The following EIF4EBP1 variants were observed in gnomAD, a reference collection of about 807,000 sequenced individuals.
The protein encoded by EIF4EBP1 is eukaryotic translation initiation factor 4E binding protein 1, also known as eukaryotic translation initiation factor 4E-binding protein 1.
In EIF4EBP1, 5 loss-of-function variants were observed where a neutral mutation model predicts 9.2. The observed-to-expected ratio is 0.54, with a 90% CI of 0.28 to 1.14. The LOEUF (loss-of-function observed/expected upper bound fraction) is 1.14, where lower values mean the gene tolerates loss of function less well. EIF4EBP1 is among the 50% of genes most tolerant of loss of function. The pLI, the probability that EIF4EBP1 is intolerant of heterozygous loss-of-function variation, is 0.09. For missense variants in EIF4EBP1, 139 were observed against 169.6 expected (o/e 0.82, Z 1.00); for synonymous variants, 62 against 67.0 (o/e 0.93, Z 0.36).
intron 1 of EIF4EBP1, 25 bp from the exon 2 acceptor site, chr8:38,057,056 G>A (rs1438010182): frequency 1.3e-6 from 2 of 1,573,876 alleles, no homozygotes; most frequent in Non-Finnish European, 1.7e-6. Context: ...CAGATGGCTT[G>A]ACCAACCTCC....
chr8:38,047,525 C>G (rs1163094794), intron 1 of EIF4EBP1: 1 of 150,326 alleles, frequency 6.7e-6, no homozygotes, highest in Non-Finnish European at 1.5e-5. Flanking sequence ...CACTCTCTTG[C>G]CCAGGGTGGA....
intron 1 of EIF4EBP1, chr8:38,047,507 CAG>C (rs1270460322): frequency 8.8e-5 from 13 of 147,588 alleles, no homozygotes; most frequent in African/African-American, 3.3e-4. Flanking sequence ...TTTTTTGAGA[CAG>C]AGTCTCACTC....
chr8:38,056,133 A>AGGCAC (rs1432194479), intron 1 of EIF4EBP1, among the ~76,000 whole-genome samples: 4 of 151,960 alleles, frequency 2.6e-5, no homozygotes, highest in African/African-American at 9.7e-5. Flanking sequence ...CTGGGACTAC[A>AGGCAC]GGCACGTACC....
Position 38,030,674 on chromosome 8 carries a change from A to G in EIF4EBP1, c.101A>G (p.Tyr34Cys). Residue 34 changes from tyrosine to cysteine, a missense_variant, in exon 1 of 3, where the codon TAC (tyrosine) becomes TGC (cysteine). Transcript: ENST00000338825. Reference sequence around the variant, plus strand: ...GGCGTGCAGCTCCCGCCCGGGGACTACAGCACGACCCCCGGCGGCACGCTC... The same window carrying G: ...GGCGTGCAGCTCCCGCCCGGGGACTGCAGCACGACCCCCGGCGGCACGCTC... ...GDGVQLPPGD[Y>C]STTPGGTLFS... The G allele has an allele frequency of 1.3e-6, 2 of 1,492,028 alleles. No homozygotes were observed. Among genetic ancestry groups the G allele is most frequent in the Non-Finnish European group, 8.9e-7 (1 of 1,126,738 alleles). The allele number at this position is 1,492,028 out of a possible 1,614,324, so 92.4% of individuals were successfully genotyped here.
intron 2 of EIF4EBP1, among the ~76,000 whole-genome samples, chr8:38,059,549 C>T (rs982950061): frequency 9.2e-5 from 14 of 152,024 alleles, no homozygotes; most frequent in South Asian, 2.1e-4. Context: ...ATCAGGAGTT[C>T]GAGACCAGCC....
chr8:38,049,422 T>C (rs1382342158), intron 1 of EIF4EBP1, among the ~76,000 whole-genome samples: 1 of 151,902 alleles, frequency 6.6e-6, no homozygotes, highest in Non-Finnish European at 1.5e-5. Context: ...CACTACTTAC[T>C]GAAAGGGGAG....
chr8:38,055,633 A>G (rs998199811), intron 1 of EIF4EBP1, among the ~76,000 whole-genome samples: 4 of 151,728 alleles, frequency 2.6e-5, no homozygotes, highest in African/African-American at 9.7e-5. Context: ...TTGTATATTA[A>G]AAGGAATTGC....
At chr8:38,041,673 G>A (rs551536089) in intron 1 of EIF4EBP1, among the ~76,000 whole-genome samples, 1 of 152,136 alleles carries the variant, frequency 6.6e-6, no homozygotes, top group African/African-American at 2.4e-5. Flanking sequence ...CTGTTCTCAC[G>A]GCCTTATGTT....
At position 38,034,042 on chromosome 8, in the gene EIF4EBP1, G is replaced by A. The variant is rs186783075; in HGVS notation, c.145+3324G>A. On this transcript the variant is annotated intron_variant, in intron 1 of 2. Coordinates refer to ENST00000338825, the MANE Select transcript of EIF4EBP1 (RefSeq NM_004095.4). Reference sequence around the variant, plus strand: ...ATTACAGGCGTGAGCCACTGCACCCGGCCCTTTTTTTGTTTTTTTCCTGAG... The same window carrying A: ...ATTACAGGCGTGAGCCACTGCACCCAGCCCTTTTTTTGTTTTTTTCCTGAG... Among the ~76,000 whole-genome samples, 1,022 of 151,990 alleles carry A rather than the reference G, an allele frequency of 6.7e-3. 7 individuals are homozygous for A. Among genetic ancestry groups the A allele is most frequent in the African/African-American group, 0.02 (838 of 41,486 alleles).
chr8:38,051,994 G>C (rs1361026259), intron 1 of EIF4EBP1, among the ~76,000 whole-genome samples: 1 of 152,140 alleles, frequency 6.6e-6, no homozygotes, highest in Non-Finnish European at 1.5e-5. Flanking sequence ...CCAAACTGTT[G>C]GGATTTACAG....
In EIF4EBP1 at chr8:38,057,260, G is replaced by T; in HGVS notation, c.325G>T (p.Gly109Cys). 1 of 1,469,638 alleles carries T rather than the reference G, an allele frequency of 6.8e-7. No individual in the cohort carries two copies. Among genetic ancestry groups the T allele is most frequent in the Non-Finnish European group, 9.0e-7 (1 of 1,105,286 alleles). 91.0% of individuals were successfully genotyped at this position (1,469,638 alleles called of 1,614,324 possible). A position where few individuals can be genotyped will look rare whatever the true frequency, so the allele number is the denominator to read the frequency against. Residue 109 changes from glycine to cysteine, a missense_variant and splice_region_variant, in exon 2 of 3, where the codon GGT becomes TGT. Gly to Cys is a radical substitution (Grantham distance 159). Transcript: ENST00000338825. ...RNSPEDKRAG[G>C]EESQFEMDI ...TAGCCCAGAAGATAAGCGGGCGGGC[G>T]GTGAGTGTCGGGGCTTGGCCAGGCT...
At chr8:38,036,476 AAGAG>A (rs1280465587) in intron 1 of EIF4EBP1, among the ~76,000 whole-genome samples, 4 of 152,154 alleles carry the variant, frequency 2.6e-5, no homozygotes, top group African/African-American at 7.2e-5. Flanking sequence ...TCAAAGAAAA[AAGAG>A]AGAGAGTTTG....
chr8:38,057,086 A>G lies in EIF4EBP1; in HGVS notation c.151A>G (p.Arg51Gly), dbSNP rs1809606003. ...ACCTCCCTGTTCCCTTCTAGGTACC[A>G]GGATCATCTATGACCGGAAATTCCT... ...TLFSTTPGGT[R>G]IIYDRKFLME... The change falls in exon 2 of 3, where the codon AGG becomes GGG. Residue 51 changes from arginine (R) to glycine (G), a missense_variant. Arg to Gly is a moderately radical substitution (Grantham distance 125). Transcript: ENST00000338825. 1 of 1,614,042 alleles carries G rather than the reference A, an allele frequency of 6.2e-7. No homozygotes were observed. The highest frequency in any genetic ancestry group is 8.5e-7 in the Non-Finnish European group (1 of 1,180,012).
intron 1 of EIF4EBP1, among the ~76,000 whole-genome samples, chr8:38,043,956 C>T (rs1276987059): frequency 2.0e-5 from 3 of 151,976 alleles, no homozygotes; most frequent in Admixed American, 6.6e-5. Flanking sequence ...GACTGTGTGG[C>T]GAGGAGGGAG....
chr8:38,040,613 G>C (rs933295652), intron 1 of EIF4EBP1, among the ~76,000 whole-genome samples: 5 of 152,238 alleles, frequency 3.3e-5, no homozygotes, highest in Non-Finnish European at 7.3e-5. Context: ...TGGGGTGGAA[G>C]CTCCAAGATG....
intron 1 of EIF4EBP1, among the ~76,000 whole-genome samples, chr8:38,037,024 T>C (rs1377977744): frequency 1.3e-5 from 2 of 152,128 alleles, no homozygotes; most frequent in Non-Finnish European, 2.9e-5. Context: ...AAATGTTCAG[T>C]TGTGCACATA....
intron 1 of EIF4EBP1, among the ~76,000 whole-genome samples, chr8:38,037,433 C>T (rs190233180): frequency 3.3e-5 from 5 of 152,056 alleles, no homozygotes; most frequent in African/African-American, 1.2e-4. Flanking sequence ...TCTCCTGCCT[C>T]GCCTCCTGAG....
At chr8:38,033,062 CTT>C (rs765781155) in intron 1 of EIF4EBP1, among the ~76,000 whole-genome samples, 15 of 125,428 alleles carry the variant, frequency 1.2e-4, no homozygotes, top group Non-Finnish European at 1.7e-4. Context: ...TTCTTTCTTT[CTT>C]TTTTTTTTTT....
chr8:38,033,122 T>G (rs1467218963), intron 1 of EIF4EBP1, among the ~76,000 whole-genome samples: 1 of 149,088 alleles, frequency 6.7e-6, no homozygotes, highest in Non-Finnish European at 1.5e-5. Context: ...TGGAGTGCAG[T>G]GGCGCAATCT....
Sources: gnomAD v4.1 joint callset for allele counts (sites outside exome capture counted in the v4.1 genomes callset) on GRCh38, gnomAD v4.1.1 for gene constraint, MANE v1.5 for transcripts, NCBI Gene and HGNC (gene_info 2026-07-23, HGNC 2026-07-21) for gene names.